Variants in RAP1B observed in about 807,000 individuals in gnomAD.
RAP1B encodes RAP1B, member of RAS oncogene family.
Under a neutral mutation model 27.5 loss-of-function variants are expected in RAP1B, and 1 was observed. The ratio of observed to expected loss-of-function variants is 0.04; its 90% CI spans 0.01 to 0.17. The LOEUF (loss-of-function observed/expected upper bound fraction) is 0.17. RAP1B is among the 10% of genes least tolerant of loss of function. The pLI, the probability that RAP1B is intolerant of heterozygous loss-of-function variation, is 1.00. For synonymous variants in RAP1B, 75 were observed against 73.1 expected (o/e 1.03, Z -0.13); for missense variants, 84 against 214.8 (o/e 0.39, Z 3.81).
intron 1 of RAP1B, chr12:68,642,652 C>A (rs945702049): frequency 2.0e-5 from 22 of 1,122,194 alleles, no homozygotes; most frequent in Non-Finnish European, 3.0e-5. Flanking sequence ...CCATCTGTTT[C>A]TCATATTCTA....
chr12:68,641,198 A>G (rs1872975182), intron 1 of RAP1B: 1 of 152,118 alleles, frequency 6.6e-6, no homozygotes, highest in Non-Finnish European at 1.5e-5. Flanking sequence ...TTTTGTAGAG[A>G]CGGGGTTTCA....
chr12:68,668,928 G>A lies in RAP1B; in HGVS notation c.*9679G>A, dbSNP rs973363896. ...CTTTACATGTGTTGTTCAACCCTCA[G>A]CAATGCTATGAAATAGGGGCTGAGT... On this transcript the variant is annotated 3_prime_UTR_variant, in exon 8 of 8. Coordinates refer to ENST00000250559, the MANE Select transcript of RAP1B (RefSeq NM_001010942.3). The A allele has an allele frequency of 6.6e-6, 1 of 152,164 alleles. No homozygotes were observed. The allele number at this position is 152,164 out of a possible 1,614,324, so 9.4% of individuals were successfully genotyped here. A position where few individuals can be genotyped will look rare whatever the true frequency, so the allele number is the denominator to read the frequency against.
chr12:68,628,262 T>C (rs893367900), intron 1 of RAP1B, among the ~76,000 whole-genome samples: 2 of 152,182 alleles, frequency 1.3e-5, no homozygotes, highest in Admixed American at 1.3e-4. Context: ...CTCCTCTTGG[T>C]TGATGTACAC....
At chr12:68,638,047 G>T (rs1358918702) in intron 1 of RAP1B, among the ~76,000 whole-genome samples, 2 of 152,086 alleles carry the variant, frequency 1.3e-5, no homozygotes, top group Non-Finnish European at 1.5e-5. Context: ...AAATTCCATT[G>T]TTCAACTGTG....
intron 1 of RAP1B, among the ~76,000 whole-genome samples, chr12:68,647,375 A>ACCCCCCCCCCCCCCCCCCC (rs1873488204): frequency 1.4e-4 from 1 of 7,362 alleles, no homozygotes; most frequent in Non-Finnish European, 2.4e-4. Context: ...CCTGCCCCCC[A>ACCCCCCCCCCCCCCCCCCC]CTCCACTCCC....
At chr12:68,633,597 G>A (rs1188487876) in intron 1 of RAP1B, among the ~76,000 whole-genome samples, 7 of 152,110 alleles carry the variant, frequency 4.6e-5, no homozygotes, top group Admixed American at 4.6e-4. Flanking sequence ...TCGGCTGGGT[G>A]CGGTGGCTCA....
At chr12:68,654,076 T>G in intron 4 of RAP1B, 36 bp from the exon 5 acceptor site, 1 of 1,516,134 alleles carries the variant, frequency 6.6e-7, no homozygotes, top group Non-Finnish European at 9.1e-7. Flanking sequence ...TGTCAAAACA[T>G]TATTGTTTTT....
intron 1 of RAP1B, among the ~76,000 whole-genome samples, chr12:68,638,721 C>CGCAATCTTGGCTCACTGCA (rs1872793518): frequency 6.6e-6 from 1 of 151,942 alleles, no homozygotes; most frequent in African/African-American, 2.4e-5. Flanking sequence ...AGTGCAGTGG[C>CGCAATCTTGGCTCACTGCA]GCAATCTTGG....
intron 1 of RAP1B, among the ~76,000 whole-genome samples, chr12:68,635,881 A>G (rs1385698578): frequency 1.7e-5 from 2 of 120,190 alleles, no homozygotes; most frequent in African/African-American, 7.4e-5. Context: ...GGTTATACCC[A>G]TGAAATTTTT....
In RAP1B at chr12:68,660,080, T is replaced by G. The variant is rs1188220248; in HGVS notation, c.*831T>G. The G allele has an allele frequency of 1.9e-4, 24 of 125,108 alleles. No individual in the cohort carries two copies. Among genetic ancestry groups the G allele is most frequent in the African/African-American group, 7.4e-4 (23 of 31,200 alleles). 7.7% of individuals were successfully genotyped at this position (125,108 alleles called of 1,614,324 possible). On this transcript the variant is annotated 3_prime_UTR_variant, in exon 8 of 8. Transcript: ENST00000250559. ...ATTTTCAGGCTTCTGCAGCTGTAGA[T>G]TCTCACTGTGAATCCCTTGCTTGCT...
chr12:68,634,381 C>G (rs1207882534), intron 1 of RAP1B, among the ~76,000 whole-genome samples: 1 of 152,112 alleles, frequency 6.6e-6, no homozygotes, highest in Non-Finnish European at 1.5e-5. Context: ...GAACTGATTC[C>G]AACCCAGACA....
At chr12:68,642,486 G>C (rs115125445) in intron 1 of RAP1B, 2 of 853,382 alleles carry the variant, frequency 2.3e-6, no homozygotes, top group East Asian at 5.0e-5. Context: ...TGTAATACAA[G>C]GGCCAGAACT....
chr12:68,619,525 G>GT (rs1322307437), intron 1 of RAP1B, among the ~76,000 whole-genome samples: 1 of 152,162 alleles, frequency 6.6e-6, no homozygotes, highest in Non-Finnish European at 1.5e-5. Context: ...GAACATAAAA[G>GT]TTTATCAATA....
chr12:68,640,000 C>T (rs1872885281), intron 1 of RAP1B, among the ~76,000 whole-genome samples: 1 of 152,050 alleles, frequency 6.6e-6, no homozygotes, highest in Non-Finnish European at 1.5e-5. Flanking sequence ...ACCACCACAA[C>T]CGGCTAATTT....
intron 1 of RAP1B, among the ~76,000 whole-genome samples, chr12:68,638,093 G>A (rs752378687): frequency 6.6e-6 from 1 of 152,010 alleles, no homozygotes; most frequent in Non-Finnish European, 1.5e-5. Flanking sequence ...GTCTTTAAAG[G>A]TAATCTGTTG....
intron 1 of RAP1B, among the ~76,000 whole-genome samples, chr12:68,617,365 A>C (rs1044377254): frequency 7.2e-5 from 11 of 152,208 alleles, no homozygotes; most frequent in Admixed American, 2.6e-4. Flanking sequence ...CAAGCTTCTC[A>C]ATACAATAGC....
chr12:68,653,900 C>T (rs1874004434), intron 4 of RAP1B, among the ~76,000 whole-genome samples: 1 of 151,180 alleles, frequency 6.6e-6, no homozygotes, highest in African/African-American at 2.4e-5. Context: ...CACTGCACTC[C>T]AGCGTGGTGA....
At chr12:68,633,954 T>G (rs1872449116) in intron 1 of RAP1B, among the ~76,000 whole-genome samples, 1 of 152,200 alleles carries the variant, frequency 6.6e-6, no homozygotes, top group Admixed American at 6.5e-5. Context: ...TTGCCTCTTG[T>G]ATCCTCCTCT....
At chr12:68,642,144 T>C (rs573413189) in intron 1 of RAP1B, among the ~76,000 whole-genome samples, 14 of 152,220 alleles carry the variant, frequency 9.2e-5, no homozygotes, top group Admixed American at 7.2e-4. Flanking sequence ...AATACAAATG[T>C]ACTACATTTG....
Sources: allele counts gnomAD v4.1 joint callset (sites outside exome capture counted in the v4.1 genomes callset), GRCh38; gene constraint gnomAD v4.1.1; transcripts MANE v1.5; gene names NCBI Gene and HGNC (gene_info 2026-07-23, HGNC 2026-07-21).